GAB1: variants seen among roughly 807,000 people sequenced by gnomAD.
GAB1 encodes GRB2-associated-binding protein 1.
Under a neutral mutation model 66.5 loss-of-function variants are expected in GAB1, and 19 were observed. That is an observed-to-expected ratio of 0.29 (90% CI 0.20 to 0.42). The LOEUF (loss-of-function observed/expected upper bound fraction) is 0.42. GAB1 is among the 10% of genes least tolerant of loss of function. The probability of loss-of-function intolerance (pLI) is 1.00; values close to 1 mark genes in which losing one functional copy is unlikely to be tolerated. For missense variants in GAB1, 732 were observed against 858.5 expected (o/e 0.85, Z 1.84); for synonymous variants, 294 against 301.4 (o/e 0.98, Z 0.25).
At chr4:143,366,227 G>A (rs1729876505) in intron 1 of GAB1, among the ~76,000 whole-genome samples, 1 of 152,154 alleles carries the variant, frequency 6.6e-6, no homozygotes, top group Non-Finnish European at 1.5e-5. Flanking sequence ...TTTCCTTGTT[G>A]TATGTGGTTC....
intron 1 of GAB1, among the ~76,000 whole-genome samples, chr4:143,413,186 AAT>A (rs1158674764): frequency 6.6e-6 from 1 of 152,110 alleles, no homozygotes; most frequent in African/African-American, 2.4e-5. Flanking sequence ...GCCCTGCATA[AAT>A]AACATCATAT....
In GAB1 at chr4:143,440,269, C is replaced by T. The variant is rs1734154616; in HGVS notation, c.1472C>T (p.Pro491Leu). ...TCCTCATTTGGAATGCAAGTTCCTC[C>T]TCCTGCTCATATGGGCTTCAGGTCC... ...DFSSFGMQVP[P>L]PAHMGFRSSP... Residue 491 changes from proline (P) to leucine (L), a missense_variant, in exon 6 of 10, where the codon CCT (proline) becomes CTT (leucine). Pro to Leu is a moderately conservative substitution (Grantham distance 98, BLOSUM62 -3). This residue lies in a region of GAB1 where 204 missense variants were observed against 276.8 expected (regional missense o/e 0.74). Coordinates refer to ENST00000262994, the MANE Select transcript of GAB1 (RefSeq NM_002039.4). The T allele has an allele frequency of 1.2e-6, 2 of 1,613,986 alleles. No homozygotes were observed. Among genetic ancestry groups the T allele is most frequent in the Admixed American group, 3.3e-5 (2 of 59,998 alleles).
chr4:143,349,160 C>G, intron 1 of GAB1: 1 of 429,940 alleles, frequency 2.3e-6, no homozygotes, highest in Non-Finnish European at 4.1e-6. Context: ...CTTCATAGGT[C>G]CCCCCCTTCC....
intron 1 of GAB1, among the ~76,000 whole-genome samples, chr4:143,415,154 C>A (rs1014815989): frequency 1.3e-5 from 2 of 152,180 alleles, no homozygotes; most frequent in African/African-American, 4.8e-5. Context: ...TTCTAGTTTT[C>A]CTAACACCAT....
At chr4:143,398,045 C>G (rs887725188) in intron 1 of GAB1, among the ~76,000 whole-genome samples, 3 of 152,216 alleles carry the variant, frequency 2.0e-5, no homozygotes, top group Non-Finnish European at 4.4e-5. Flanking sequence ...AATTCAAGTC[C>G]TGGGTTCCTA....
At chr4:143,457,789 A>G (rs1251590742) in intron 6 of GAB1, 3 of 1,242,080 alleles carry the variant, frequency 2.4e-6, no homozygotes, top group South Asian at 1.3e-5. Flanking sequence ...TTAGCACCGC[A>G]TGCTGTATGG....
At chr4:143,346,824 G>A (rs1039384784) in intron 1 of GAB1, among the ~76,000 whole-genome samples, 1 of 152,206 alleles carries the variant, frequency 6.6e-6, no homozygotes, top group African/African-American at 2.4e-5. Flanking sequence ...TGTTCCTAGT[G>A]ATGCTGTTAC....
intron 1 of GAB1, among the ~76,000 whole-genome samples, chr4:143,383,904 T>G (rs1204475031): frequency 6.6e-6 from 1 of 152,042 alleles, no homozygotes; most frequent in African/African-American, 2.4e-5. Context: ...GCAAGAGCTA[T>G]TTCCACAAAA....
intron 1 of GAB1, among the ~76,000 whole-genome samples, chr4:143,348,151 C>G (rs996969474): frequency 1.3e-5 from 2 of 152,210 alleles, no homozygotes; most frequent in African/African-American, 4.8e-5. Flanking sequence ...CTCTTACTAA[C>G]TTATACACAA....
At chr4:143,421,698 C>T (rs376992163) in intron 2 of GAB1, among the ~76,000 whole-genome samples, 66 of 118,616 alleles carry the variant, frequency 5.6e-4, no homozygotes, top group South Asian at 1.2e-3. Flanking sequence ...CTTTTCTTTT[C>T]TTTTTTTTTT....
At chr4:143,357,129 A>G (rs983462100) in intron 1 of GAB1, among the ~76,000 whole-genome samples, 2 of 152,112 alleles carry the variant, frequency 1.3e-5, no homozygotes, top group Non-Finnish European at 2.9e-5. Context: ...CTAGCTGGAG[A>G]ACCTCTTCTG....
At chr4:143,465,889 G>C in intron 8 of GAB1, 1 of 393,074 alleles carries the variant, frequency 2.5e-6, no homozygotes, top group Non-Finnish European at 4.6e-6. Context: ...TGTGAACCAA[G>C]TTTAACTTTT....
rs533924193 is a variant in GAB1 at position 143,434,305 on chromosome 4, G to A, written c.593+589G>A. The A allele has an allele frequency of 1.5e-3, 413 of 277,932 alleles. 3 individuals are homozygous for A. The highest frequency in any genetic ancestry group is 2.5e-3 in the Non-Finnish European group (361 of 143,566). The allele number at this position is 277,932 out of a possible 1,614,324, so 17.2% of individuals were successfully genotyped here. On this transcript the variant is annotated intron_variant, in intron 3 of 9. Transcript: ENST00000262994. Reference sequence around the variant, plus strand: ...AAATAAATATATTCCTAAAAATTACGAAACTTTTAGTCTTCATATCTAGCA... The same window carrying A: ...AAATAAATATATTCCTAAAAATTACAAAACTTTTAGTCTTCATATCTAGCA...
At chr4:143,401,476 A>G (rs1731770736) in intron 1 of GAB1, among the ~76,000 whole-genome samples, 1 of 152,220 alleles carries the variant, frequency 6.6e-6, no homozygotes, top group African/African-American at 2.4e-5. Flanking sequence ...ATAATTAAAT[A>G]TCTTAAATGC....
intron 1 of GAB1, among the ~76,000 whole-genome samples, chr4:143,347,507 T>C (rs116213896): frequency 1.6e-3 from 237 of 152,362 alleles, no homozygotes; most frequent in African/African-American, 5.4e-3. Context: ...AAAGTCATAT[T>C]ACTTAACCAG....
At chr4:143,344,451 T>C (rs1403843580) in intron 1 of GAB1, among the ~76,000 whole-genome samples, 1 of 152,232 alleles carries the variant, frequency 6.6e-6, no homozygotes, top group African/African-American at 2.4e-5. Context: ...TCCTTTTATC[T>C]CAGTCTGCCA....
At chr4:143,444,338 A>C (rs1734395439) in intron 6 of GAB1, among the ~76,000 whole-genome samples, 1 of 152,204 alleles carries the variant, frequency 6.6e-6, no homozygotes, top group African/African-American at 2.4e-5. Flanking sequence ...TTTCTGCAAC[A>C]GTCTGAACAT....
chr4:143,415,644 A>G lies in GAB1; in HGVS notation c.240A>G (p.Glu80=), dbSNP rs1732640093. 6.2e-7 allele frequency: 1 copy of G among 1,613,992 alleles called. No homozygotes were observed. The highest frequency in any genetic ancestry group is 1.3e-5 in the African/African-American group (1 of 74,946). The change falls in exon 2 of 10, where the codon GAA becomes GAG. Residue 80 remains glutamate, a synonymous_variant. Coordinates refer to ENST00000262994, the MANE Select transcript of GAB1 (RefSeq NM_002039.4). ...AGLTFNKKEF[E]NSYIFDINTI... is the part of the protein sequence containing the mutation. The stretch of plus-strand genomic sequence containing the variant: ...TGACATTTAACAAAAAAGAGTTTGA[A>G]AACAGCTACATTTTTGATATCAACA...
Position 143,469,335 on chromosome 4 carries a change from A to G in GAB1, c.*146A>G, listed in dbSNP as rs1044075468. The G allele has an allele frequency of 2.7e-6, 2 of 745,568 alleles. No homozygotes were observed. Among genetic ancestry groups the G allele is most frequent in the African/African-American group, 3.5e-5 (2 of 56,562 alleles). 46.2% of individuals were successfully genotyped at this position (745,568 alleles called of 1,614,324 possible). A position where few individuals can be genotyped will look rare whatever the true frequency, so the allele number is the denominator to read the frequency against. The stretch of plus-strand genomic sequence containing the variant: ...AGGACCTTTCTGACATAATCAAGCA[A>G]TTTAGACTTAAGTGGTGCTTTGTGG... On this transcript the variant is annotated 3_prime_UTR_variant, in exon 10 of 10. Transcript: ENST00000262994.
Sources: gnomAD v4.1 joint callset for allele counts (sites outside exome capture counted in the v4.1 genomes callset) on GRCh38, gnomAD v4.1.1 for gene constraint, gnomAD v4.1.1 regional missense constraint, MANE v1.5 for transcripts, NCBI Gene and HGNC (gene_info 2026-07-23, HGNC 2026-07-21) for gene names.